Variants in ALPK2 observed in about 807,000 individuals in gnomAD.
ALPK2 encodes the protein alpha kinase 2.
In ALPK2, 127 loss-of-function variants were observed where a neutral mutation model predicts 163.1. That is an observed-to-expected ratio of 0.78 (90% confidence interval 0.67 to 0.90). ALPK2 has a LOEUF of 0.90. Among genes scored for constraint, ALPK2 ranks in the 40% least tolerant of loss-of-function variants. The probability of loss-of-function intolerance (pLI) is 0.00; values close to 1 mark genes in which losing one functional copy is unlikely to be tolerated. For synonymous variants in ALPK2, 953 were observed against 959.1 expected, an observed-to-expected ratio of 0.99 and a Z score of 0.12; for missense variants, 2,360 against 2,589.6, an observed-to-expected ratio of 0.91 and a Z score of 1.92.
At chr18:58,490,795 C>A (rs948449946) in intron 12 of ALPK2, among the ~76,000 whole-genome samples, 9 of 152,146 alleles carry the variant, frequency 5.9e-5, no homozygotes, top group African/African-American at 1.7e-4. Flanking sequence ...TGATGGCACC[C>A]TCAACCAGGA....
At chr18:58,601,371 A>G (rs530289043) in intron 3 of ALPK2, among the ~76,000 whole-genome samples, 1 of 152,372 alleles carries the variant, frequency 6.6e-6, no homozygotes, top group East Asian at 1.9e-4. Flanking sequence ...TCCCACAGAT[A>G]GAAGATACAG....
intron 12 of ALPK2, among the ~76,000 whole-genome samples, chr18:58,492,030 ACT>A (rs1321991925): frequency 1.3e-5 from 2 of 151,830 alleles, no homozygotes; most frequent in Admixed American, 6.6e-5. Flanking sequence ...GTATTGACAA[ACT>A]CTGAATCCTC....
At chr18:58,578,756 A>ACACACG (rs2051936872) in intron 4 of ALPK2, 58 bp downstream of exon 4, 2 of 1,230,180 alleles carry the variant, frequency 1.6e-6, no homozygotes, top group African/African-American at 3.3e-5. Context: ...ACACACACAC[A>ACACACG]CACACACACA....
At chr18:58,593,328 G>A (rs552276983) in intron 3 of ALPK2, among the ~76,000 whole-genome samples, 240 of 152,320 alleles carry the variant, frequency 1.6e-3, no homozygotes, top group African/African-American at 5.7e-3. Flanking sequence ...CACTTTGGGA[G>A]GCCAAGGCAG....
intron 3 of ALPK2, among the ~76,000 whole-genome samples, chr18:58,600,027 CTTTTTTTTTTT>C (rs1166291584): frequency 4.5e-5 from 3 of 66,848 alleles, no homozygotes; most frequent in Admixed American, 2.2e-4. Context: ...ATGGGGATAT[CTTTTTTTTTTT>C]TTTTTTTTTT....
intron 3 of ALPK2, among the ~76,000 whole-genome samples, chr18:58,601,318 T>C (rs1462069721): frequency 3.3e-5 from 5 of 152,070 alleles, no homozygotes; most frequent in Non-Finnish European, 7.4e-5. Context: ...TTGAGAAGGA[T>C]AAAGATACAT....
chr18:58,568,686 A>C (rs2051869504), intron 4 of ALPK2, among the ~76,000 whole-genome samples: 1 of 152,258 alleles, frequency 6.6e-6, no homozygotes, highest in Non-Finnish European at 1.5e-5. Flanking sequence ...GAATGTGTAC[A>C]GACTTTTAAA....
At chr18:58,525,548 G>A (rs1422871838) in intron 6 of ALPK2, among the ~76,000 whole-genome samples, 1 of 152,176 alleles carries the variant, frequency 6.6e-6, no homozygotes, top group Non-Finnish European at 1.5e-5. Context: ...CCAGAACCAC[G>A]AAGACCGTTT....
chr18:58,589,161 G>A (rs1400445733), intron 3 of ALPK2, among the ~76,000 whole-genome samples: 1 of 152,176 alleles, frequency 6.6e-6, no homozygotes, highest in African/African-American at 2.4e-5. Context: ...AGCATGGAGG[G>A]GGTCACTGCT....
chr18:58,557,886 C>T (rs1041619774), intron 4 of ALPK2, among the ~76,000 whole-genome samples: 2 of 152,014 alleles, frequency 1.3e-5, no homozygotes, highest in Non-Finnish European at 2.9e-5. Flanking sequence ...AGCTTCCAGG[C>T]TGCAGTGAGC....
chr18:58,587,179 G>C (rs1033467920), intron 3 of ALPK2, among the ~76,000 whole-genome samples: 1 of 152,144 alleles, frequency 6.6e-6, no homozygotes, highest in African/African-American at 2.4e-5. Context: ...GGAAATCTCT[G>C]TCCAGTCATT....
At chr18:58,605,392 AATAG>A (rs2052092840) in intron 3 of ALPK2, among the ~76,000 whole-genome samples, 1 of 152,240 alleles carries the variant, frequency 6.6e-6, no homozygotes, top group African/African-American at 2.4e-5. Flanking sequence ...CCACAAAAAC[AATAG>A]ATAGAGAAGG....
At chr18:58,508,183 C>A (rs2051471118) in intron 10 of ALPK2, among the ~76,000 whole-genome samples, 2 of 152,142 alleles carry the variant, frequency 1.3e-5, no homozygotes, top group Non-Finnish European at 2.9e-5. Flanking sequence ...AATAAACAAT[C>A]CCTATTTCCT....
At position 58,534,142 on chromosome 18, in the gene ALPK2, T is replaced by C. The variant is rs2051630505; in HGVS notation, c.5353+692A>G. On this transcript the variant is annotated intron_variant, in intron 5 of 12. Transcript: ENST00000361673. The stretch of plus-strand genomic sequence containing the variant: ...TCAGACAAAGTAGAATTAACTGCAA[T>C]TTCAGGACTTTTTTTTTTTTTTTAA... 3.0e-5 allele frequency among the ~76,000 whole-genome samples: 4 copies of C among 132,188 alleles called. No homozygotes were observed. In the South Asian group the frequency reaches 1.1e-3, roughly 37 times the overall value. 86.7% of individuals were successfully genotyped at this position (132,188 alleles called of 152,430 possible). A position where few individuals can be genotyped will look rare whatever the true frequency, so the allele number is the denominator to read the frequency against.
chr18:58,576,566 T>C (rs7229323), intron 4 of ALPK2, among the ~76,000 whole-genome samples: 24,434 of 152,204 alleles, frequency 0.16, 2,173 homozygotes, highest in African/African-American at 0.22. Flanking sequence ...AAGTTGAATT[T>C]AATTCCCAGT....
intron 1 of ALPK2, among the ~76,000 whole-genome samples, chr18:58,624,857 G>A (rs933198105): frequency 7.2e-5 from 11 of 152,126 alleles, no homozygotes; most frequent in Non-Finnish European, 1.3e-4. Flanking sequence ...TCTCTATGTT[G>A]GACATCAAGT....
At chr18:58,598,018 C>G (rs1364349587) in intron 3 of ALPK2, among the ~76,000 whole-genome samples, 5 of 152,248 alleles carry the variant, frequency 3.3e-5, no homozygotes, top group Non-Finnish European at 1.5e-5. Context: ...CCTCCAGCCT[C>G]CAGGACGGTG....
chr18:58,530,126 A>G (rs889625790), intron 5 of ALPK2, among the ~76,000 whole-genome samples: 1 of 152,248 alleles, frequency 6.6e-6, no homozygotes, highest in Non-Finnish European at 1.5e-5. Flanking sequence ...AACCAAGATC[A>G]CCAATACTGA....
intron 4 of ALPK2, chr18:58,543,302 C>A (rs2051700647): frequency 1.1e-6 from 1 of 926,896 alleles, no homozygotes; most frequent in Middle Eastern, 5.5e-4. Context: ...TTCCCAGTTT[C>A]AGGTATTTTG....
Sources: allele counts gnomAD v4.1 joint callset (sites outside exome capture counted in the v4.1 genomes callset), GRCh38; gene constraint gnomAD v4.1.1; transcripts MANE v1.5; gene names NCBI Gene and HGNC (gene_info 2026-07-23, HGNC 2026-07-21).